TAFA5: variants seen among roughly 807,000 people sequenced by gnomAD.
The protein encoded by TAFA5 is TAFA chemokine like family member 5.
TAFA5 carries 6 observed loss-of-function variants against 15.3 expected under a neutral mutation model. The observed-to-expected ratio is 0.39, with a 90% CI of 0.21 to 0.77. The LOEUF (loss-of-function observed/expected upper bound fraction) is 0.77, where lower values mean the gene tolerates loss of function less well. Among genes scored for constraint, TAFA5 ranks in the 30% least tolerant of loss-of-function variants. The pLI, the probability that TAFA5 is intolerant of heterozygous loss-of-function variation, is 0.41. For synonymous variants in TAFA5, 103 were observed against 80.7 expected (o/e 1.28, Z -1.48); for missense variants, 161 against 193.1 (o/e 0.83, Z 0.98).
intron 1 of TAFA5, among the ~76,000 whole-genome samples, chr22:48,614,115 G>A (rs28670584): frequency 0.19 from 28,439 of 151,956 alleles, 2,850 homozygotes; most frequent in Non-Finnish European, 0.22. Flanking sequence ...CGGTGTGCTT[G>A]GCTACATCAC....
intron 1 of TAFA5, among the ~76,000 whole-genome samples, chr22:48,535,459 G>C (rs1169299474): frequency 6.6e-6 from 1 of 152,274 alleles, no homozygotes; most frequent in Non-Finnish European, 1.5e-5. Flanking sequence ...CACAGTCTGT[G>C]TTGCTATACG....
chr22:48,679,721 G>T (rs71314873), intron 2 of TAFA5, among the ~76,000 whole-genome samples: 11 of 79,902 alleles, frequency 1.4e-4, no homozygotes, highest in African/African-American at 3.8e-4. Flanking sequence ...CCCTCTCCCG[G>T]CTCCCCGTCC....
chr22:48,553,794 C>G (rs1232127129), intron 1 of TAFA5, among the ~76,000 whole-genome samples: 2 of 152,194 alleles, frequency 1.3e-5, no homozygotes, highest in Non-Finnish European at 2.9e-5. Flanking sequence ...GTCTGTTCAG[C>G]CTGTGGCCTC....
intron 1 of TAFA5, among the ~76,000 whole-genome samples, chr22:48,630,774 G>A (rs966248452): frequency 1.3e-5 from 2 of 148,412 alleles, no homozygotes; most frequent in Non-Finnish European, 3.0e-5. Context: ...TCCAGGCGCT[G>A]GGGAAGGAAG....
At chr22:48,679,067 C>T (rs113008144) in intron 2 of TAFA5, among the ~76,000 whole-genome samples, 1 of 128,558 alleles carries the variant, frequency 7.8e-6, no homozygotes. Context: ...ATCCCTCTCC[C>T]GTCTCCCTGT....
chr22:48,585,455 C>T (rs868485172), intron 1 of TAFA5, among the ~76,000 whole-genome samples: 1 of 150,282 alleles, frequency 6.7e-6, no homozygotes, highest in Non-Finnish European at 1.5e-5. Flanking sequence ...TCCCACACAC[C>T]ACACAAAATA....
intron 1 of TAFA5, among the ~76,000 whole-genome samples, chr22:48,628,561 T>C (rs1444752811): frequency 6.6e-6 from 1 of 152,352 alleles, no homozygotes; most frequent in East Asian, 1.9e-4. Flanking sequence ...GTTTGCTCCC[T>C]GTGCAGCCCC....
In TAFA5 at chr22:48,672,585, C is replaced by T. The variant is rs184720103; in HGVS notation, c.262+25839C>T. On this transcript the variant is annotated intron_variant, in intron 2 of 3. Transcript: ENST00000402357. ...AGCACAAACAGATTTTCTTTTGGAG[C>T]TTTGAAGACATCACTTCCTTGCCTT... is the stretch of plus-strand genomic sequence containing the variant. Among the ~76,000 whole-genome samples the T allele has an allele frequency of 3.3e-5, 5 of 152,242 alleles. No individual in the cohort carries two copies. The East Asian group carries it at 5.8e-4, about 18-fold the overall frequency.
chr22:48,676,934 CT>C (rs1277324639), intron 2 of TAFA5, among the ~76,000 whole-genome samples: 4 of 152,146 alleles, frequency 2.6e-5, no homozygotes, highest in African/African-American at 7.2e-5. Flanking sequence ...TGGGGGTCAC[CT>C]TTTTGAGCTG....
intron 1 of TAFA5, among the ~76,000 whole-genome samples, chr22:48,519,100 G>A (rs931870684): frequency 1.3e-5 from 2 of 152,188 alleles, no homozygotes; most frequent in African/African-American, 4.8e-5. Flanking sequence ...GAGAGCTATA[G>A]GGTAGTTTAA....
intron 3 of TAFA5, among the ~76,000 whole-genome samples, chr22:48,711,270 G>C (rs1223744293): frequency 6.6e-6 from 1 of 152,170 alleles, no homozygotes; most frequent in Non-Finnish European, 1.5e-5. Flanking sequence ...TCCTGGGGGA[G>C]AGTGTGTGTC....
At chr22:48,554,818 C>G (rs183654664) in intron 1 of TAFA5, among the ~76,000 whole-genome samples, 2 of 152,224 alleles carry the variant, frequency 1.3e-5, no homozygotes, top group Non-Finnish European at 2.9e-5. Context: ...ATGTGGGTCT[C>G]TCTTTCCCCG....
intron 1 of TAFA5, among the ~76,000 whole-genome samples, chr22:48,603,630 G>A (rs528844523): frequency 5.9e-5 from 9 of 152,290 alleles, no homozygotes; most frequent in East Asian, 5.8e-4. Context: ...CTGGCCCTGC[G>A]CTGAGCCGAA....
intron 2 of TAFA5, among the ~76,000 whole-genome samples, chr22:48,647,817 A>G (rs1008426796): frequency 1.3e-5 from 2 of 152,122 alleles, no homozygotes; most frequent in Admixed American, 6.5e-5. Flanking sequence ...GCTTGACCAC[A>G]GCCCAGGAGA....
intron 1 of TAFA5, among the ~76,000 whole-genome samples, chr22:48,638,314 C>T (rs1486328349): frequency 8.5e-6 from 1 of 118,338 alleles, no homozygotes; most frequent in Admixed American, 9.1e-5. Flanking sequence ...GGCAACAACC[C>T]CCCCCACACA....
intron 1 of TAFA5, among the ~76,000 whole-genome samples, chr22:48,523,366 G>C (rs996322029): frequency 3.9e-5 from 6 of 152,254 alleles, no homozygotes; most frequent in African/African-American, 1.4e-4. Flanking sequence ...CCCTGAGTCA[G>C]CAAACTCCCC....
At chr22:48,677,271 G>A (rs1928005001) in intron 2 of TAFA5, among the ~76,000 whole-genome samples, 1 of 152,242 alleles carries the variant, frequency 6.6e-6, no homozygotes, top group Non-Finnish European at 1.5e-5. Context: ...CATAGGCCTG[G>A]GGAGCAGGAC....
chr22:48,529,553 A>G (rs1601557860), intron 1 of TAFA5, among the ~76,000 whole-genome samples: 1 of 20,692 alleles, frequency 4.8e-5, no homozygotes, highest in Non-Finnish European at 8.8e-5. Flanking sequence ...TCCAGGCAGG[A>G]GATGGGGGTG....
In TAFA5 at chr22:48,740,954, G is replaced by A. The variant is rs190442836; in HGVS notation, c.391-8885G>A. The stretch of plus-strand genomic sequence containing the variant: ...GGCCGCAGGTCCCATCTGCCTCCTC[G>A]CAGGGCCCCGAGTCAGCGCTCAGGG... On this transcript the variant is annotated intron_variant, in intron 3 of 3. Transcript: ENST00000402357. Among the ~76,000 whole-genome samples, 129 of 152,176 alleles carry A rather than the reference G, an allele frequency of 8.5e-4. 1 individual carries two copies. The highest frequency in any genetic ancestry group is 2.8e-3 in the African/African-American group (118 of 41,526).
Sources: allele counts gnomAD v4.1 joint callset (sites outside exome capture counted in the v4.1 genomes callset), GRCh38; gene constraint gnomAD v4.1.1; transcripts MANE v1.5; gene names NCBI Gene and HGNC (gene_info 2026-07-23, HGNC 2026-07-21).